The following SART3 variants were observed in gnomAD, a reference collection of about 807,000 sequenced individuals.
SART3 encodes the protein HIV-1 Tat-interacting protein of 110kDa.
In SART3, 44 loss-of-function variants were observed where a neutral mutation model predicts 122.3. The ratio of observed to expected loss-of-function variants is 0.36; its 90% CI spans 0.28 to 0.46. The LOEUF (loss-of-function observed/expected upper bound fraction) is 0.46, where lower values mean the gene tolerates loss of function less well. Among genes scored for constraint, SART3 ranks in the 20% least tolerant of loss-of-function variants. The pLI, the probability that SART3 is intolerant of heterozygous loss-of-function variation, is 1.00. For missense variants in SART3, 1,101 were observed against 1,229.0 expected (o/e 0.90, Z 1.56); for synonymous variants, 442 against 454.0 (o/e 0.97, Z 0.34).
At chr12:108,536,345 G>A (rs1158071621) in intron 11 of SART3, among the ~76,000 whole-genome samples, 169 bp downstream of exon 11, 1 of 152,198 alleles carries the variant, frequency 6.6e-6, no homozygotes, top group Non-Finnish European at 1.5e-5. Flanking sequence ...GTCAAGCTAG[G>A]TAAATAACAT....
At chr12:108,523,766 TC>T (rs1593230122) in intron 18 of SART3, 132 bp from the exon 19 acceptor site, 2 of 829,206 alleles carry the variant, frequency 2.4e-6, no homozygotes, top group Non-Finnish European at 3.9e-6. Context: ...GATAAGATAA[TC>T]CCTGCCTCCT....
At chr12:108,530,829 G>A (rs1464505761) in intron 14 of SART3, among the ~76,000 whole-genome samples, 1 of 151,796 alleles carries the variant, frequency 6.6e-6, no homozygotes, top group Non-Finnish European at 1.5e-5. Flanking sequence ...CTGCACTCCA[G>A]CCTGGGCAAC....
chr12:108,560,914 C>A lies in SART3; in HGVS notation c.241G>T (p.Gly81Trp), dbSNP rs769047915. The A allele has an allele frequency of 6.2e-7, 1 of 1,613,866 alleles. No homozygotes were observed. The highest frequency in any genetic ancestry group is 1.1e-5 in the South Asian group (1 of 91,022). The part of the protein sequence containing the change: ...AMASSAESSP[G>W]EYEWEYDEEE... ...TCGTCATATTCCCACTCGTACTCCC[C>A]GGGGGAGCTCTCCGCGGAGGAAGCC... The change falls in exon 1 of 19, where the codon GGG (glycine) becomes TGG (tryptophan). Residue 81 changes from glycine (G) to tryptophan (W), a missense_variant. Gly to Trp is a radical substitution (Grantham distance 184). Transcript: ENST00000546815.
At chr12:108,555,746 G>A (rs150841597) in intron 1 of SART3, among the ~76,000 whole-genome samples, 70 of 152,264 alleles carry the variant, frequency 4.6e-4, no homozygotes, top group African/African-American at 1.6e-3. Context: ...TGGCAAAGAC[G>A]TCAATTCTCC....
intron 9 of SART3, chr12:108,537,252 G>C: frequency 1.9e-6 from 1 of 515,246 alleles, no homozygotes; most frequent in Admixed American, 3.2e-5. Context: ...GGAGAAATGA[G>C]AGCTAAGACT....
At chr12:108,552,876 T>G (rs756576567) in intron 1 of SART3, among the ~76,000 whole-genome samples, 1 of 152,104 alleles carries the variant, frequency 6.6e-6, no homozygotes, top group Non-Finnish European at 1.5e-5. Flanking sequence ...GGCCCTAGAA[T>G]AGCTAAAAAT....
At chr12:108,531,323 G>T in intron 13 of SART3, 43 bp from the exon 14 acceptor site, 2 of 1,498,062 alleles carry the variant, frequency 1.3e-6, no homozygotes, top group Non-Finnish European at 9.3e-7. Context: ...TTAGGATTTT[G>T]AAGGATACAA....
intron 17 of SART3, chr12:108,524,839 G>A: frequency 2.5e-6 from 1 of 395,718 alleles, no homozygotes; most frequent in South Asian, 2.4e-5. Context: ...AGGTGGATGG[G>A]ACACAGGGCC....
At position 108,554,658 on chromosome 12, in the gene SART3, ATTGT is replaced by A. The variant is rs1345623118; in HGVS notation, c.313-5448_313-5445del. On this transcript the variant is annotated intron_variant, in intron 1 of 18. Transcript: ENST00000546815. ...AATAACATATTTATATATTTATTAT[ATTGT>A]TTATTATATATTTATATATTTATAT... 5.4e-5 allele frequency among the ~76,000 whole-genome samples: 8 copies of A among 148,318 alleles called. No individual in the cohort carries two copies. The East Asian group carries it at 9.7e-4, about 18-fold the overall frequency.
At chr12:108,530,025 C>T in intron 15 of SART3, 117 bp downstream of exon 15, 1 of 1,180,646 alleles carries the variant, frequency 8.5e-7, no homozygotes, top group Non-Finnish European at 1.3e-6. Flanking sequence ...TAACAGTGAT[C>T]AAAGGGTAAT....
At chr12:108,534,327 C>T (rs915662256) in intron 12 of SART3, among the ~76,000 whole-genome samples, 2 of 151,980 alleles carry the variant, frequency 1.3e-5, no homozygotes, top group Non-Finnish European at 2.9e-5. Flanking sequence ...TTGTGAACTG[C>T]AGATCTAGGG....
intron 1 of SART3, among the ~76,000 whole-genome samples, chr12:108,556,520 T>A (rs888612498): frequency 6.6e-6 from 1 of 152,216 alleles, no homozygotes; most frequent in Admixed American, 6.5e-5. Context: ...TTAGCAATGT[T>A]CTCCTGCTTA....
intron 1 of SART3, among the ~76,000 whole-genome samples, chr12:108,554,816 T>C (rs529615883): frequency 1.4e-4 from 22 of 151,906 alleles, no homozygotes; most frequent in South Asian, 4.2e-4. Context: ...GAAACAGATA[T>C]AGAGAAAAGA....
intron 14 of SART3, 77 bp from the exon 15 acceptor site, chr12:108,530,387 A>G (rs1872622626): frequency 6.6e-7 from 1 of 1,511,450 alleles, no homozygotes; most frequent in South Asian, 1.1e-5. Context: ...GAAAGGGGAG[A>G]AGGAGTGGAA....
At position 108,526,208 on chromosome 12, in the gene SART3, T is replaced by C. The variant is rs1219141822; in HGVS notation, c.2261A>G (p.Lys754Arg). Reference sequence around the variant, plus strand: ...TGCCTGAAGGGCTGATTTCTCTTCTTTAAACTCCACGTAGCAGTAACCTCG... The same window carrying C: ...TGCCTGAAGGGCTGATTTCTCTTCTCTAAACTCCACGTAGCAGTAACCTCG... ...DFRGYCYVEF[K>R]EEKSALQALE... Residue 754 changes from lysine (K) to arginine (R), a missense_variant, in exon 16 of 19, where the codon AAA (lysine) becomes AGA (arginine). Lys to Arg is a conservative substitution (Grantham distance 26). Coordinates refer to ENST00000546815, the MANE Select transcript of SART3 (RefSeq NM_014706.4). 3 of 1,614,196 alleles carry C rather than the reference T, an allele frequency of 1.9e-6. No individual in the cohort carries two copies. The highest frequency in any genetic ancestry group is 1.7e-5 in the Admixed American group (1 of 60,030).
chr12:108,558,795 A>G (rs1034826722), intron 1 of SART3, among the ~76,000 whole-genome samples: 4 of 152,176 alleles, frequency 2.6e-5, no homozygotes, highest in Non-Finnish European at 5.9e-5. Flanking sequence ...GCACTTTGGG[A>G]GGCCGAGGCG....
Position 108,544,587 on chromosome 12 carries a change from G to A in SART3, c.730-109C>T, listed in dbSNP as rs1027832380. On this transcript the variant is annotated intron_variant, in intron 4 of 18. Coordinates refer to ENST00000546815, the MANE Select transcript of SART3 (RefSeq NM_014706.4). ...AACTGTGGTTCTTTCTTTTTCTTTT[G>A]AGAAGGGTTCTTGCTGTCACCCTGG... is the stretch of plus-strand genomic sequence containing the variant. 1.5e-5 allele frequency: 22 copies of A among 1,504,722 alleles called. No homozygotes were observed. In the African/African-American group the frequency reaches 2.8e-4, roughly 19 times the overall value. The allele number at this position is 1,504,722 out of a possible 1,614,324, so 93.2% of individuals were successfully genotyped here. A position where few individuals can be genotyped will look rare whatever the true frequency, so the allele number is the denominator to read the frequency against.
chr12:108,537,834 T>C (rs182037201), intron 8 of SART3: 78 of 680,740 alleles, frequency 1.1e-4, no homozygotes, highest in Non-Finnish European at 1.6e-4. Context: ...TCAAGGAAGT[T>C]TGGAGAAAAC....
chr12:108,531,251 G>A lies in SART3; in HGVS notation c.1699C>T (p.Gln567Ter). 3 of 1,613,846 alleles carry A rather than the reference G, an allele frequency of 1.9e-6. No individual in the cohort carries two copies. Among genetic ancestry groups the A allele is most frequent in the Non-Finnish European group, 2.5e-6 (3 of 1,179,874 alleles). Residue 567 changes from glutamine (Q) to a stop codon, truncating the protein, a stop_gained, in exon 14 of 19, where the codon CAG (glutamine) becomes TAG (stop). Coordinates refer to ENST00000546815, the MANE Select transcript of SART3 (RefSeq NM_014706.4). LOFTEE classifies it high-confidence loss of function. ...CGAGCTAATCGGGTTTCAGTTTTCT[G>A]AACAGCTATATCCCAATCTTCTAAA... Reference protein sequence around the residue: ...GSLEDWDIAVQKTETRLARVN... With the variant: ...GSLEDWDIAV
Sources: allele counts gnomAD v4.1 joint callset (sites outside exome capture counted in the v4.1 genomes callset), GRCh38; gene constraint gnomAD v4.1.1; transcripts MANE v1.5; gene names NCBI Gene and HGNC (gene_info 2026-07-23, HGNC 2026-07-21).